TBC1D32: variants seen among roughly 807,000 people sequenced by gnomAD.
The protein encoded by TBC1D32 is TBC1 domain family member 32.
Under a neutral mutation model 170.3 loss-of-function variants are expected in TBC1D32, and 151 were observed. That is an observed-to-expected ratio of 0.89 (90% CI 0.78 to 1.01). The LOEUF (loss-of-function observed/expected upper bound fraction) is 1.01, where lower values mean the gene tolerates loss of function less well. TBC1D32 is among the 50% of genes least tolerant of loss of function. The pLI is 0.00. For synonymous variants in TBC1D32, 498 were observed against 488.0 expected, an observed-to-expected ratio of 1.02 and a Z score of -0.27; for missense variants, 1,464 against 1,457.1, an observed-to-expected ratio of 1.00 and a Z score of -0.08.
chr6:121,276,769 G>C (rs73526655), intron 15 of TBC1D32, among the ~76,000 whole-genome samples: 17,667 of 152,084 alleles, frequency 0.12, 1,473 homozygotes, highest in Admixed American at 0.23. Flanking sequence ...ATTAGTTTCA[G>C]ACAAAGCAGA....
At chr6:121,153,690 C>T (rs2061299571) in intron 24 of TBC1D32, among the ~76,000 whole-genome samples, 1 of 152,110 alleles carries the variant, frequency 6.6e-6, no homozygotes, top group East Asian at 1.9e-4. Flanking sequence ...AGATGCCCTG[C>T]CCGGAGAGGA....
chr6:121,334,303 A>C lies in TBC1D32; in HGVS notation c.128T>G (p.Leu43Arg). Residue 43 changes from leucine (L) to arginine (R), a missense_variant, in exon 1 of 32, where the codon CTG (leucine) becomes CGG (arginine). By Grantham distance (102) the Leu-to-Arg change is moderately radical. Around this residue, in one of 3 missense-constraint regions of TBC1D32, gnomAD observed 1,363 missense variants for 1,338.1 expected, o/e 1.02. Transcript: ENST00000398212. ...GTGAAAATTTTCATCAGTTTCCTCC[A>C]GATGTAAAAGAATCTCTTCGGCACA... ...LECAEEILLH[L>R]EETDENFHNY... 6.2e-7 allele frequency: 1 copy of C among 1,614,090 alleles called. No individual in the cohort carries two copies. Among genetic ancestry groups the C allele is most frequent in the Non-Finnish European group, 8.5e-7 (1 of 1,179,990 alleles).
At chr6:121,200,451 A>G (rs1260272119) in intron 22 of TBC1D32, among the ~76,000 whole-genome samples, 2 of 151,554 alleles carry the variant, frequency 1.3e-5, no homozygotes, top group Admixed American at 1.3e-4. Context: ...GGAATATAAC[A>G]TTACTCTAAA....
chr6:121,126,632 G>A (rs1235378351), intron 25 of TBC1D32, among the ~76,000 whole-genome samples, 171 bp from the exon 26 acceptor site: 1 of 151,930 alleles, frequency 6.6e-6, no homozygotes, highest in Non-Finnish European at 1.5e-5. Flanking sequence ...TGTTTCTGAT[G>A]CAAATTAAAC....
intron 21 of TBC1D32, among the ~76,000 whole-genome samples, chr6:121,210,010 T>A (rs1355681046): frequency 6.6e-6 from 1 of 152,154 alleles, no homozygotes; most frequent in African/African-American, 2.4e-5. Context: ...TCATAGAAAC[T>A]GAAAGCAATT....
intron 22 of TBC1D32, among the ~76,000 whole-genome samples, chr6:121,177,609 T>C (rs977974969): frequency 1.3e-5 from 2 of 152,198 alleles, no homozygotes; most frequent in African/African-American, 4.8e-5. Context: ...ATAGATTGCC[T>C]ACATTGGTGG....
chr6:121,249,221 T>G (rs1037640911), intron 17 of TBC1D32, among the ~76,000 whole-genome samples: 1 of 151,102 alleles, frequency 6.6e-6, no homozygotes, highest in Non-Finnish European at 1.5e-5. Flanking sequence ...TTATTATTAT[T>G]ATTATCTCAA....
At chr6:121,144,265 T>A (rs950704107) in intron 24 of TBC1D32, among the ~76,000 whole-genome samples, 1 of 152,168 alleles carries the variant, frequency 6.6e-6, no homozygotes, top group African/African-American at 2.4e-5. Context: ...GTGTTAGGCC[T>A]TGTAAGCTAC....
At chr6:121,128,356 C>T (rs1050392404) in intron 25 of TBC1D32, among the ~76,000 whole-genome samples, 1 of 152,112 alleles carries the variant, frequency 6.6e-6, no homozygotes, top group African/African-American at 2.4e-5. Flanking sequence ...ATCTTTCTAA[C>T]CAATTGTAAG....
intron 22 of TBC1D32, among the ~76,000 whole-genome samples, chr6:121,202,279 G>GAA (rs59539189): frequency 0.67 from 75,749 of 113,606 alleles, 27,819 homozygotes; most frequent in Non-Finnish European, 0.82. Flanking sequence ...ACTAGAGAAT[G>GAA]AAAAAAAAAA....
chr6:121,229,614 T>G (rs984986675), intron 20 of TBC1D32, among the ~76,000 whole-genome samples: 1 of 152,198 alleles, frequency 6.6e-6, no homozygotes, highest in Non-Finnish European at 1.5e-5. Context: ...TAGCCATTTC[T>G]GTTTTAATGA....
At chr6:121,185,051 T>TTTG (rs1363849054) in intron 22 of TBC1D32, among the ~76,000 whole-genome samples, 1 of 150,128 alleles carries the variant, frequency 6.7e-6, no homozygotes, top group East Asian at 1.9e-4. Context: ...TTCTGTAAGT[T>TTTG]TTTTTTTTTT....
intron 22 of TBC1D32, among the ~76,000 whole-genome samples, chr6:121,180,362 C>T (rs906033481): frequency 2.0e-5 from 3 of 151,980 alleles, no homozygotes; most frequent in Admixed American, 2.0e-4. Flanking sequence ...AAATGAAGTT[C>T]AAAAAGTAAC....
intron 31 of TBC1D32, among the ~76,000 whole-genome samples, chr6:121,086,347 G>A (rs1345169660): frequency 2.0e-5 from 3 of 152,072 alleles, no homozygotes; most frequent in Non-Finnish European, 4.4e-5. Context: ...TGCAGAAAAC[G>A]TATCTGCAAA....
At chr6:121,206,555 T>C (rs1211287828) in intron 21 of TBC1D32, among the ~76,000 whole-genome samples, 5 of 152,098 alleles carry the variant, frequency 3.3e-5, no homozygotes. Flanking sequence ...AAATCACACT[T>C]GAAAAACACT....
At chr6:121,147,105 A>C (rs1232699628) in intron 24 of TBC1D32, among the ~76,000 whole-genome samples, 1 of 152,184 alleles carries the variant, frequency 6.6e-6, no homozygotes, top group African/African-American at 2.4e-5. Flanking sequence ...ATGCACTTAG[A>C]ATAATGGCAT....
At chr6:121,252,333 T>A (rs575851994) in intron 17 of TBC1D32, among the ~76,000 whole-genome samples, 1 of 152,248 alleles carries the variant, frequency 6.6e-6, no homozygotes, top group Admixed American at 6.5e-5. Flanking sequence ...CAAATGCCCA[T>A]TAAAATGACA....
intron 22 of TBC1D32, among the ~76,000 whole-genome samples, chr6:121,179,296 TTG>T (rs57769629): frequency 1.8e-4 from 27 of 147,806 alleles, no homozygotes; most frequent in Non-Finnish European, 1.8e-4. Flanking sequence ...TATGTATAGT[TTG>T]TGTGTGTGTG....
intron 31 of TBC1D32, among the ~76,000 whole-genome samples, 196 bp from the exon 32 acceptor site, chr6:121,081,086 C>T: frequency 6.6e-6 from 1 of 151,886 alleles, no homozygotes; most frequent in Middle Eastern, 3.2e-3. Flanking sequence ...TATATGTCCC[C>T]CTTAAATAAA....
Sources: allele counts gnomAD v4.1 joint callset (sites outside exome capture counted in the v4.1 genomes callset), GRCh38; gene constraint gnomAD v4.1.1; regional missense constraint gnomAD v4.1.1; transcripts MANE v1.5; gene names NCBI Gene and HGNC (gene_info 2026-07-23, HGNC 2026-07-21).